The following RNF212B variants were observed in gnomAD, a reference collection of about 807,000 sequenced individuals.
RNF212B encodes the protein E3 ubiquitin-protein ligase RNF212B.
In RNF212B, 52 loss-of-function variants were observed where a neutral mutation model predicts 55.5. That is an observed-to-expected ratio of 0.94 (90% CI 0.75 to 1.18). The LOEUF (loss-of-function observed/expected upper bound fraction) is 1.18, where lower values mean the gene tolerates loss of function less well. RNF212B is among the 50% of genes most tolerant of loss of function. The pLI is 0.00. For synonymous variants in RNF212B, 99 were observed against 121.4 expected, an observed-to-expected ratio of 0.82 and a Z score of 1.21; for missense variants, 289 against 350.4, an observed-to-expected ratio of 0.82 and a Z score of 1.40.
intron 2 of RNF212B, among the ~76,000 whole-genome samples, chr14:23,213,108 C>G (rs147815814): frequency 0.014 from 2,055 of 151,780 alleles, 49 homozygotes; most frequent in African/African-American, 0.048. Flanking sequence ...GTCAGGAGAT[C>G]GAGACCATCC....
intron 2 of RNF212B, among the ~76,000 whole-genome samples, chr14:23,218,331 G>A (rs2144037): frequency 0.14 from 21,413 of 151,528 alleles, 1,738 homozygotes; most frequent in Non-Finnish European, 0.18. Context: ...TTGCACCTCT[G>A]CACTATAGCC....
chr14:23,233,741 CAAA>C (rs761783082), upstream of RNF212B, among the ~76,000 whole-genome samples: 16,670 of 77,298 alleles, frequency 0.22, 1,000 homozygotes, highest in Non-Finnish European at 0.27. Context: ...GACCCTGTCT[CAAA>C]AAAAAAAAAA....
chr14:23,231,456 C>T (rs1389945301), intron 2 of RNF212B, among the ~76,000 whole-genome samples: 1 of 152,100 alleles, frequency 6.6e-6, no homozygotes, highest in Non-Finnish European at 1.5e-5. Flanking sequence ...TAATCCATAC[C>T]TCACACCATG....
At chr14:23,231,611 C>CCCCCTCT (rs1011417068) in intron 2 of RNF212B, among the ~76,000 whole-genome samples, 37 of 151,794 alleles carry the variant, frequency 2.4e-4, no homozygotes, top group African/African-American at 4.6e-4. Context: ...TTAAAGAGCT[C>CCCCCTCT]CCCCTCTCCC....
intron 14 of RNF212B, among the ~76,000 whole-genome samples, chr14:23,272,099 G>C (rs1295161525): frequency 6.6e-6 from 1 of 152,126 alleles, no homozygotes; most frequent in East Asian, 1.9e-4. Context: ...GGGCACATGA[G>C]TTCATTATAC....
chr14:23,259,453 G>GT (rs61203381), intron 5 of RNF212B: 7,448 of 85,560 alleles, frequency 0.087, 361 homozygotes, highest in African/African-American at 0.2. Context: ...AGTTTTTTTT[G>GT]TTTTTTTTTT....
At chr14:23,243,333 A>G (rs1201420657) in intron 3 of RNF212B, 25 bp downstream of exon 3, 1 of 1,535,160 alleles carries the variant, frequency 6.5e-7, no homozygotes, top group Non-Finnish European at 8.8e-7. Context: ...CCCTGCCACA[A>G]ACTGTCTCAT....
At chr14:23,190,009 G>C (rs550417685) in intron 1 of RNF212B, among the ~76,000 whole-genome samples, 2 of 152,176 alleles carry the variant, frequency 1.3e-5, no homozygotes, top group African/African-American at 4.8e-5. Flanking sequence ...ACCACCGGTG[G>C]TCCAATCTAG....
intron 5 of RNF212B, chr14:23,259,677 A>C (rs1885156770): frequency 2.8e-6 from 1 of 354,808 alleles, no homozygotes; most frequent in African/African-American, 2.1e-5. Flanking sequence ...CATACCAAGT[A>C]ATTGCTTATT....
intron 2 of RNF212B, among the ~76,000 whole-genome samples, chr14:23,207,869 CAT>C (rs1880000603): frequency 6.6e-6 from 1 of 152,160 alleles, no homozygotes; most frequent in African/African-American, 2.4e-5. Context: ...GTAAGAATAA[CAT>C]TGGTTCAGTC....
At chr14:23,261,917 G>A (rs949097150) in intron 7 of RNF212B, among the ~76,000 whole-genome samples, 13 of 152,166 alleles carry the variant, frequency 8.5e-5, no homozygotes, top group Admixed American at 3.9e-4. Flanking sequence ...GTAGTGAGCC[G>A]AGATCACCCC....
chr14:23,228,462 C>CAAAAA (rs776673043), intron 2 of RNF212B, among the ~76,000 whole-genome samples: 4 of 76,090 alleles, frequency 5.3e-5, no homozygotes, highest in Non-Finnish European at 9.6e-5. Flanking sequence ...CTATCTCTAC[C>CAAAAA]AAAAAAAAAA....
chr14:23,197,488 C>T (rs1878839118), intron 2 of RNF212B, among the ~76,000 whole-genome samples: 1 of 152,144 alleles, frequency 6.6e-6, no homozygotes, highest in East Asian at 1.9e-4. Context: ...GATCATGCCA[C>T]TGCACTCCAG....
intron 4 of RNF212B, among the ~76,000 whole-genome samples, chr14:23,255,984 T>C (rs1884802213): frequency 1.3e-5 from 2 of 152,200 alleles, no homozygotes; most frequent in Admixed American, 1.3e-4. Flanking sequence ...TGGTCTTTCT[T>C]CTTCTTGGAA....
intron 2 of RNF212B, among the ~76,000 whole-genome samples, chr14:23,241,367 T>C (rs574113831): frequency 1.3e-5 from 2 of 152,250 alleles, no homozygotes; most frequent in East Asian, 1.9e-4. Context: ...GAAGGCTCTA[T>C]ACACTGGGCT....
intron 4 of RNF212B, among the ~76,000 whole-genome samples, chr14:23,246,107 G>T (rs2140445124): frequency 6.6e-6 from 1 of 151,788 alleles, no homozygotes; most frequent in South Asian, 2.1e-4. Context: ...ACCTCATATA[G>T]ATCTGTAAGT....
chr14:23,236,414 C>G (rs1883096892), upstream of RNF212B, among the ~76,000 whole-genome samples: 1 of 152,184 alleles, frequency 6.6e-6, no homozygotes, highest in African/African-American at 2.4e-5. Context: ...ACTCAGGAGG[C>G]TGAGGCAGGA....
chr14:23,208,773 T>TTTTTTTTA (rs1880130773), intron 2 of RNF212B, among the ~76,000 whole-genome samples: 1 of 141,118 alleles, frequency 7.1e-6, no homozygotes, highest in African/African-American at 2.9e-5. Context: ...TTTTTTTTTT[T>TTTTTTTTA]TTTGAGACGG....
At chr14:23,262,541 G>T in intron 7 of RNF212B, 124 bp from the exon 8 acceptor site, 1 of 812,342 alleles carries the variant, frequency 1.2e-6, no homozygotes, top group South Asian at 1.8e-5. Context: ...ATACATGAGA[G>T]TAAGCAATTT....
Sources: allele counts gnomAD v4.1 joint callset (sites outside exome capture counted in the v4.1 genomes callset), GRCh38; gene constraint gnomAD v4.1.1; transcripts MANE v1.5; gene names NCBI Gene and HGNC (gene_info 2026-07-23, HGNC 2026-07-21).